Variants in DYM observed in about 807,000 individuals in gnomAD.
DYM encodes the protein dymeclin, also known as dyggve-Melchior-Clausen syndrome protein.
Under a neutral mutation model 93.1 loss-of-function variants are expected in DYM, and 78 were observed. The observed-to-expected ratio is 0.84, with a 90% confidence interval of 0.70 to 1.01. DYM has a LOEUF of 1.01. Ranked by LOEUF, DYM falls within the 50% of genes least tolerant of loss-of-function variation. The pLI, the probability that DYM is intolerant of heterozygous loss-of-function variation, is 0.00. For missense variants in DYM, 789 were observed against 845.0 expected (o/e 0.93, Z 0.82); for synonymous variants, 321 against 319.7 (o/e 1.00, Z -0.04).
At chr18:49,249,039 T>C (rs1045614962) in intron 13 of DYM, among the ~76,000 whole-genome samples, 1 of 152,210 alleles carries the variant, frequency 6.6e-6, no homozygotes, top group Non-Finnish European at 1.5e-5. Flanking sequence ...CCTTAGATTG[T>C]AGAGAACTGT....
intron 13 of DYM, among the ~76,000 whole-genome samples, chr18:49,216,624 G>GCTGATACCCAGGCAAA (rs1194681954): frequency 6.6e-6 from 1 of 152,200 alleles, no homozygotes; most frequent in Non-Finnish European, 1.5e-5. Flanking sequence ...AGCTACCGCT[G>GCTGATACCCAGGCAAA]CTGATACCCA....
At chr18:49,217,175 G>A (rs2093105384) in intron 13 of DYM, among the ~76,000 whole-genome samples, 1 of 152,186 alleles carries the variant, frequency 6.6e-6, no homozygotes, top group African/African-American at 2.4e-5. Context: ...TGAAATGAAT[G>A]AAATGAAGTG....
At chr18:49,431,184 G>A (rs945539920) in intron 1 of DYM, among the ~76,000 whole-genome samples, 2 of 152,164 alleles carry the variant, frequency 1.3e-5, no homozygotes, top group Non-Finnish European at 2.9e-5. Context: ...GGGTCATAGG[G>A]ACAAACCTGA....
At chr18:49,369,096 G>A (rs1016465186) in intron 5 of DYM, among the ~76,000 whole-genome samples, 10 of 152,222 alleles carry the variant, frequency 6.6e-5, no homozygotes, top group African/African-American at 2.4e-4. Flanking sequence ...ACGCTGAAAT[G>A]TAAGCCTTTT....
chr18:49,152,721 T>G (rs910884847), intron 15 of DYM, among the ~76,000 whole-genome samples: 2 of 152,192 alleles, frequency 1.3e-5, no homozygotes, highest in Admixed American at 1.3e-4. Flanking sequence ...GAAGACAACC[T>G]AAGTACTCGC....
At chr18:49,186,126 C>T (rs2090407104) in intron 14 of DYM, among the ~76,000 whole-genome samples, 1 of 152,028 alleles carries the variant, frequency 6.6e-6, no homozygotes, top group Non-Finnish European at 1.5e-5. Context: ...AATAGTATCC[C>T]TTTCACTCTC....
chr18:49,411,107 A>G (rs2072191514), intron 2 of DYM, among the ~76,000 whole-genome samples: 1 of 152,182 alleles, frequency 6.6e-6, no homozygotes, highest in Non-Finnish European at 1.5e-5. Flanking sequence ...AGAGAAGCAG[A>G]GTAACTTGTC....
intron 13 of DYM, among the ~76,000 whole-genome samples, chr18:49,212,444 A>G (rs2092825571): frequency 6.6e-6 from 1 of 152,194 alleles, no homozygotes; most frequent in South Asian, 2.1e-4. Context: ...TAAAATTTTA[A>G]CATTTGGGAA....
In DYM at chr18:49,124,404, G is replaced by C. The variant is rs558832712; in HGVS notation, c.1729-5478C>G. On this transcript the variant is annotated intron_variant, in intron 15 of 17. Coordinates refer to ENST00000675505, the MANE Select transcript of DYM (RefSeq NM_001353214.3). The stretch of plus-strand genomic sequence containing the variant: ...CATGCCTGTAGTCCCAGTTACTCAA[G>C]AGGCTGAGGCAGGAGGATTGCCTGA... Among the ~76,000 whole-genome samples, 3 of 152,032 alleles carry C rather than the reference G, an allele frequency of 2.0e-5. No homozygotes were observed. In the East Asian group the frequency reaches 5.8e-4, roughly 29 times the overall value.
At chr18:49,099,969 G>A (rs1019265206) in intron 16 of DYM, among the ~76,000 whole-genome samples, 9 of 152,020 alleles carry the variant, frequency 5.9e-5, no homozygotes, top group Non-Finnish European at 1.0e-4. Context: ...ACGCTATTTC[G>A]TGAGGGTTTA....
intron 6 of DYM, among the ~76,000 whole-genome samples, chr18:49,335,925 T>A (rs544035745): frequency 6.6e-6 from 1 of 152,218 alleles, no homozygotes; most frequent in Non-Finnish European, 1.5e-5. Flanking sequence ...GTGATCCTCC[T>A]GCCTTAGCCT....
chr18:49,300,890 A>G (rs1245949135), intron 8 of DYM, among the ~76,000 whole-genome samples: 1 of 152,158 alleles, frequency 6.6e-6, no homozygotes, highest in Non-Finnish European at 1.5e-5. Context: ...TGAAAGTAAT[A>G]TTCAAGGAAA....
At chr18:49,387,632 C>T (rs983957181) in intron 3 of DYM, among the ~76,000 whole-genome samples, 1 of 152,134 alleles carries the variant, frequency 6.6e-6, no homozygotes, top group Non-Finnish European at 1.5e-5. Flanking sequence ...ATTAAAGTCT[C>T]AGATGATGTG....
At chr18:49,300,096 T>A (rs1008504076) in intron 8 of DYM, among the ~76,000 whole-genome samples, 8 of 146,322 alleles carry the variant, frequency 5.5e-5, no homozygotes, top group Non-Finnish European at 9.0e-5. Flanking sequence ...AATATATATA[T>A]AAATATATAA....
chr18:49,416,916 C>A (rs1270578172), intron 2 of DYM, among the ~76,000 whole-genome samples: 1 of 152,070 alleles, frequency 6.6e-6, no homozygotes, highest in Non-Finnish European at 1.5e-5. Flanking sequence ...ATAGTTAGAG[C>A]CCCTACACCC....
At chr18:49,270,575 C>T (rs998648891) in intron 11 of DYM, among the ~76,000 whole-genome samples, 1 of 151,874 alleles carries the variant, frequency 6.6e-6, no homozygotes, top group African/African-American at 2.4e-5. Context: ...ATTGCTCTTG[C>T]CACAAAAAAT....
intron 5 of DYM, among the ~76,000 whole-genome samples, chr18:49,377,239 C>A (rs2067586806): frequency 2.6e-5 from 4 of 152,146 alleles, no homozygotes; most frequent in Admixed American, 2.6e-4. Context: ...TCCACAGAAT[C>A]TTTTCTACTT....
intron 2 of DYM, among the ~76,000 whole-genome samples, chr18:49,397,099 G>A (rs931984804): frequency 3.3e-5 from 5 of 152,178 alleles, no homozygotes; most frequent in Admixed American, 2.6e-4. Context: ...TTGAGGTGAT[G>A]GATATGCTAA....
At chr18:49,317,654 T>TCTCCTC (rs1357385543) in intron 8 of DYM, among the ~76,000 whole-genome samples, 1,166 of 45,346 alleles carry the variant, frequency 0.026, 32 homozygotes, top group African/African-American at 0.08. Context: ...CTCTCCTTCC[T>TCTCCTC]TCCTTCCTTC....
Sources: gnomAD v4.1 joint callset for allele counts (sites outside exome capture counted in the v4.1 genomes callset) on GRCh38, gnomAD v4.1.1 for gene constraint, MANE v1.5 for transcripts, NCBI Gene and HGNC (gene_info 2026-07-23, HGNC 2026-07-21) for gene names.